Variants in TDRD15 observed in about 807,000 individuals in gnomAD.
The protein encoded by TDRD15 is tudor domain-containing protein 15.
For missense variants in TDRD15, 1,416 were observed against 904.7 expected (o/e 1.57, Z -7.25); for synonymous variants, 503 against 314.5 (o/e 1.60, Z -6.34).
Position 21,141,772 on chromosome 2 carries a change from T to C in TDRD15, c.4305T>C (p.His1435=). 4.2e-6 allele frequency: 3 copies of C among 714,716 alleles called. No individual in the cohort carries two copies. The highest frequency in any genetic ancestry group is 7.8e-6 in the Non-Finnish European group (3 of 383,398). 44.3% of individuals were successfully genotyped at this position (714,716 alleles called of 1,614,324 possible). The change falls in exon 4 of 4, where the codon CAT becomes CAC. Residue 1435 remains histidine, a synonymous_variant. Transcript: ENST00000405799. ...KTVDYFTSKV[H]NKTVYCEFLK... is the part of the protein sequence containing the mutation. The stretch of plus-strand genomic sequence containing the variant: ...TGGATTATTTTACTTCGAAAGTACA[T>C]AACAAAACAGTTTATTGTGAATTTT...
intron 3 of TDRD15, among the ~76,000 whole-genome samples, chr2:21,136,242 T>TA (rs1449955014): frequency 6.6e-6 from 1 of 152,030 alleles, no homozygotes; most frequent in African/African-American, 2.4e-5. Context: ...TGAAAACATT[T>TA]AGACTTTGGT....
intron 3 of TDRD15, among the ~76,000 whole-genome samples, chr2:21,136,869 G>A (rs1665817265): frequency 6.6e-6 from 1 of 151,978 alleles, no homozygotes; most frequent in Admixed American, 6.6e-5. Context: ...GCTTCCCTTA[G>A]TGGTGTCCAG....
chr2:21,130,462 G>T (rs1184128286), intron 2 of TDRD15, among the ~76,000 whole-genome samples: 1 of 152,174 alleles, frequency 6.6e-6, no homozygotes, highest in Non-Finnish European at 1.5e-5. Context: ...TTTTTAAGTT[G>T]TGAGGAGCTT....
rs768347854 is a variant in TDRD15 at position 21,138,980 on chromosome 2, C to T, written c.1513C>T (p.Arg505Trp). The change falls in exon 4 of 4, where the codon CGG (arginine) becomes TGG (tryptophan). Residue 505 changes from arginine to tryptophan, a missense_variant. Coordinates refer to ENST00000405799, the MANE Select transcript of TDRD15 (RefSeq NM_001306137.2). ...SNFWVRTNDH[R>W]NEFQEIMKNI... The stretch of plus-strand genomic sequence containing the variant: ...TTTCTGGGTACGCACTAATGACCAT[C>T]GGAATGAATTTCAAGAAATAATGAA... The T allele has an allele frequency of 2.9e-5, 21 of 712,358 alleles. No individual in the cohort carries two copies. Among genetic ancestry groups the T allele is most frequent in the African/African-American group, 8.8e-5 (5 of 56,834 alleles). 44.1% of individuals were successfully genotyped at this position (712,358 alleles called of 1,614,324 possible).
intron 3 of TDRD15, among the ~76,000 whole-genome samples, chr2:21,136,765 T>A (rs770540200): frequency 7.2e-5 from 11 of 152,060 alleles, no homozygotes; most frequent in Non-Finnish European, 1.3e-4. Flanking sequence ...GCCTTGATGC[T>A]ATAGATTCCT....
rs1232562855 is a variant in TDRD15, at chr2:21,141,219, T to C, written c.3752T>C (p.Val1251Ala). ...GAAHILENRR[V>A]GQKSVKVVSQ... The stretch of plus-strand genomic sequence containing the variant: ...GCACATATTCTTGAGAACAGGCGTG[T>C]GGGCCAAAAATCAGTAAAGGTTGTA... The change falls in exon 4 of 4, where the codon GTG (valine) becomes GCG (alanine). Residue 1251 changes from valine (V) to alanine (A), a missense_variant. Physicochemically the swap from Val to Ala is moderately conservative, Grantham distance 64. Coordinates refer to ENST00000405799, the MANE Select transcript of TDRD15 (RefSeq NM_001306137.2). The C allele has an allele frequency of 1.4e-6, 1 of 714,060 alleles. No individual in the cohort carries two copies. Among genetic ancestry groups the C allele is most frequent in the East Asian group, 2.7e-5 (1 of 37,254 alleles). 44.2% of individuals were successfully genotyped at this position (714,060 alleles called of 1,614,324 possible). A position where few individuals can be genotyped will look rare whatever the true frequency, so the allele number is the denominator to read the frequency against.
At chr2:21,145,773 C>A (rs565245688), downstream of TDRD15, among the ~76,000 whole-genome samples, 15 of 151,940 alleles carry the variant, frequency 9.9e-5, no homozygotes, top group African/African-American at 3.4e-4. Flanking sequence ...CTCTATTACT[C>A]TTCCACTATT....
At position 21,142,815 on chromosome 2, in the gene TDRD15, C is replaced by T. The variant is rs559319593; in HGVS notation, c.5348C>T (p.Pro1783Leu). Reference protein sequence around the residue: ...LQTLPQEFIIPGSSCLFKYKS... With the variant: ...LQTLPQEFIILGSSCLFKYKS... Reference sequence around the variant, plus strand: ...ACATTGCCTCAGGAGTTCATAATTCCCGGTTCTAGTTGTTTGTTCAAATAT... The same window carrying T: ...ACATTGCCTCAGGAGTTCATAATTCTCGGTTCTAGTTGTTTGTTCAAATAT... Residue 1783 changes from proline to leucine, a missense_variant, in exon 4 of 4, where the codon CCC (proline) becomes CTC (leucine). Transcript: ENST00000405799. 12 of 714,850 alleles carry T rather than the reference C, an allele frequency of 1.7e-5. 1 individual carries two copies. The highest frequency in any genetic ancestry group is 3.5e-5 in the African/African-American group (2 of 57,214). 44.3% of individuals were successfully genotyped at this position (714,850 alleles called of 1,614,324 possible). A position where few individuals can be genotyped will look rare whatever the true frequency, so the allele number is the denominator to read the frequency against.
chr2:21,145,113 C>T (rs1200779398), downstream of TDRD15, among the ~76,000 whole-genome samples: 1 of 151,922 alleles, frequency 6.6e-6, no homozygotes, highest in African/African-American at 2.4e-5. Context: ...AGTGCCCCAC[C>T]CATGAACCTC....
chr2:21,145,424 T>A (rs1289281005), downstream of TDRD15, among the ~76,000 whole-genome samples: 2 of 152,014 alleles, frequency 1.3e-5, no homozygotes, highest in African/African-American at 4.8e-5. Context: ...CTACCTTCTT[T>A]TATGTTTTTT....
chr2:21,132,264 AGCCATTTTTG>A (rs1330481674), intron 2 of TDRD15, among the ~76,000 whole-genome samples: 1 of 152,050 alleles, frequency 6.6e-6, no homozygotes, highest in Non-Finnish European at 1.5e-5. Context: ...GACTTCATAA[AGCCATTTTTG>A]ATGGCTTTAG....
chr2:21,141,592 A>G lies in TDRD15; in HGVS notation c.4125A>G (p.Val1375=), dbSNP rs1665934546. ...TTTTGCCAGGAAATTCTTTTGAAGT[A>G]GAATTTATTGACTATGGTAACTCTG... ...KKILPGNSFE[V]EFIDYGNSAI... The change falls in exon 4 of 4, where the codon GTA becomes GTG. Residue 1375 remains valine, a synonymous_variant. Transcript: ENST00000405799. 1.4e-6 allele frequency: 1 copy of G among 713,754 alleles called. No homozygotes were observed. Among genetic ancestry groups the G allele is most frequent in the African/African-American group, 1.8e-5 (1 of 57,042 alleles). 44.2% of individuals were successfully genotyped at this position (713,754 alleles called of 1,614,324 possible). A position where few individuals can be genotyped will look rare whatever the true frequency, so the allele number is the denominator to read the frequency against.
chr2:21,141,143 A>G lies in TDRD15; in HGVS notation c.3676A>G (p.Lys1226Glu), dbSNP rs760961047. 9 of 713,314 alleles carry G rather than the reference A, an allele frequency of 1.3e-5. No homozygotes were observed. The South Asian group carries it at 1.3e-4, about 11-fold the overall frequency. 44.2% of individuals were successfully genotyped at this position (713,314 alleles called of 1,614,324 possible). The change falls in exon 4 of 4, where the codon AAG becomes GAG. Residue 1226 changes from lysine to glutamate, a missense_variant. Physicochemically the swap from Lys to Glu is moderately conservative, Grantham distance 56 (BLOSUM62 1). Coordinates refer to ENST00000405799, the MANE Select transcript of TDRD15 (RefSeq NM_001306137.2). ...KMEPVSKNKM[K>E]TSLNDGLKGI... Reference sequence around the variant, plus strand: ...GGAACCTGTGTCAAAAAACAAAATGAAGACTTCTTTGAATGATGGGCTTAA... The same window carrying G: ...GGAACCTGTGTCAAAAAACAAAATGGAGACTTCTTTGAATGATGGGCTTAA...
chr2:21,146,637 G>A (rs1032550137), downstream of TDRD15, among the ~76,000 whole-genome samples: 6 of 152,166 alleles, frequency 3.9e-5, no homozygotes, highest in African/African-American at 1.4e-4. Context: ...ATGAGGCAGT[G>A]CTTAATGGTA....
Position 21,144,095 on chromosome 2 carries a change from G to GT in TDRD15, c.*829dup, listed in dbSNP as rs984589869. ...TTTATATCATATGAAATGTCTTTAG[G>GT]TTTTTTGAGTGTGCTTCTAGCATAT... On this transcript the variant is annotated 3_prime_UTR_variant, in exon 4 of 4. Coordinates refer to ENST00000405799, the MANE Select transcript of TDRD15 (RefSeq NM_001306137.2). 4.2e-4 allele frequency among the ~76,000 whole-genome samples: 63 copies of GT among 151,652 alleles called. 1 individual carries two copies. The highest frequency in any genetic ancestry group is 1.3e-3 in the Admixed American group (20 of 15,186).
At chr2:21,145,609 A>C (rs1666017429), downstream of TDRD15, among the ~76,000 whole-genome samples, 1 of 152,090 alleles carries the variant, frequency 6.6e-6, no homozygotes, top group Non-Finnish European at 1.5e-5. Context: ...AAGGAAAAAA[A>C]TCAAGACTTT....
chr2:21,143,919 C>A lies in TDRD15; in HGVS notation c.*647C>A, dbSNP rs1392477159. 1.3e-5 allele frequency among the ~76,000 whole-genome samples: 2 copies of A among 151,840 alleles called. No homozygotes were observed. Among genetic ancestry groups the A allele is most frequent in the Admixed American group, 1.3e-4 (2 of 15,214 alleles). ...AATGTAGTGAAAGATTTTAACCACA[C>A]ATGCATGCACACACGCATGACGTTT... On this transcript the variant is annotated 3_prime_UTR_variant, in exon 4 of 4. Coordinates refer to ENST00000405799, the MANE Select transcript of TDRD15 (RefSeq NM_001306137.2).
At chr2:21,129,190 C>CTAA (rs371259102) in intron 2 of TDRD15, among the ~76,000 whole-genome samples, 413 of 152,238 alleles carry the variant, frequency 2.7e-3, no homozygotes, top group African/African-American at 9.3e-3. Flanking sequence ...AATAATGCTA[C>CTAA]TAAGAATGGT....
At chr2:21,129,857 T>C (rs79909173) in intron 2 of TDRD15, among the ~76,000 whole-genome samples, 4,049 of 152,308 alleles carry the variant, frequency 0.027, 138 homozygotes, top group East Asian at 0.14. Context: ...ATTTATTTCT[T>C]ACAGTTATGG....
Sources: allele counts gnomAD v4.1 joint callset (sites outside exome capture counted in the v4.1 genomes callset), GRCh38; gene constraint gnomAD v4.1.1; transcripts MANE v1.5; gene names NCBI Gene and HGNC (gene_info 2026-07-23, HGNC 2026-07-21).